The following OAT variants were observed in gnomAD, a reference collection of about 807,000 sequenced individuals.
OAT encodes the protein ornithine aminotransferase.
OAT carries 35 observed loss-of-function variants against 48.4 expected under a neutral mutation model. The ratio of observed to expected loss-of-function variants is 0.72; its 90% confidence interval spans 0.55 to 0.96. The LOEUF is 0.96. Among genes scored for constraint, OAT ranks in the 40% least tolerant of loss-of-function variants. OAT has a pLI of 0.00. For synonymous variants in OAT, 182 were observed against 198.4 expected, an observed-to-expected ratio of 0.92 and a Z score of 0.70; for missense variants, 438 against 537.9, an observed-to-expected ratio of 0.81 and a Z score of 1.84.
rs150521787 is a variant in OAT at position 124,402,784 on chromosome 10, C to T, written c.900+143G>A. On this transcript the variant is annotated intron_variant, in intron 7 of 9. Transcript: ENST00000368845. The stretch of plus-strand genomic sequence containing the variant: ...ACTGGTCCCTTAAATGTTTTTATTA[C>T]AGATATTCCGGGTGGCCTGCAGCAC... 7.0e-5 allele frequency: 74 copies of T among 1,055,594 alleles called. 1 individual carries two copies. In the Middle Eastern group the frequency reaches 1.9e-3, roughly 27 times the overall value. 65.4% of individuals were successfully genotyped at this position (1,055,594 alleles called of 1,614,324 possible).
chr10:124,410,751 T>C (rs1951721484), intron 2 of OAT, among the ~76,000 whole-genome samples: 1 of 152,092 alleles, frequency 6.6e-6, no homozygotes, highest in Admixed American at 6.5e-5. Context: ...TGAGCCATGA[T>C]CACACCACTG....
At chr10:124,412,265 C>T (rs1456088356) in intron 1 of OAT, 65 bp from the exon 2 acceptor site, 30 of 1,288,368 alleles carry the variant, frequency 2.3e-5, no homozygotes, top group Non-Finnish European at 3.2e-5. Flanking sequence ...AATCTCAGCA[C>T]TTTGGGAGGC....
At chr10:124,401,602 T>C in intron 8 of OAT, 124 bp downstream of exon 8, 1 of 732,862 alleles carries the variant, frequency 1.4e-6, no homozygotes, top group Non-Finnish European at 2.4e-6. Context: ...TTTTCCTCTA[T>C]ACTTCATGTT....
intron 6 of OAT, among the ~76,000 whole-genome samples, chr10:124,403,568 G>A (rs1281437724): frequency 6.6e-6 from 1 of 152,184 alleles, no homozygotes; most frequent in African/African-American, 2.4e-5. Flanking sequence ...TTCTGCACAG[G>A]GCCCAGGACA....
intron 1 of OAT, among the ~76,000 whole-genome samples, chr10:124,417,822 G>A (rs1309485850): frequency 6.6e-6 from 1 of 152,190 alleles, no homozygotes; most frequent in Non-Finnish European, 1.5e-5. Flanking sequence ...ATTTCTTAAG[G>A]TAAAGCCACT....
intron 4 of OAT, among the ~76,000 whole-genome samples, chr10:124,408,212 C>T (rs1345955377): frequency 1.3e-5 from 2 of 149,486 alleles, no homozygotes; most frequent in Non-Finnish European, 3.0e-5. Flanking sequence ...AAACATATTA[C>T]AAGTATTTCA....
At chr10:124,416,883 A>T (rs1041637506) in intron 1 of OAT, among the ~76,000 whole-genome samples, 27 of 151,718 alleles carry the variant, frequency 1.8e-4, no homozygotes, top group Admixed American at 1.8e-3. Context: ...AAAAAAAAAA[A>T]AAAGTTCTAC....
rs929003110 is a variant in OAT at position 124,398,168 on chromosome 10, T to C, written c.1160-66A>G. ...GTTTAAACATCCCTTGCCGTATGTA[T>C]GGGCAAAGTGCAGCCTGGCAAAACA... On this transcript the variant is annotated intron_variant, in intron 9 of 9. Coordinates refer to ENST00000368845, the MANE Select transcript of OAT (RefSeq NM_000274.4). 1.7e-5 allele frequency: 27 copies of C among 1,549,952 alleles called. 1 individual carries two copies. The Middle Eastern group carries it at 2.4e-3, about 136-fold the overall frequency.
At chr10:124,417,283 CT>C (rs59171918) in intron 1 of OAT, among the ~76,000 whole-genome samples, 964 of 87,028 alleles carry the variant, frequency 0.011, 3 homozygotes, top group African/African-American at 0.028. Context: ...AAACTATAAG[CT>C]TTTTTTTTTT....
At chr10:124,402,905 A>G in intron 7 of OAT, 22 bp downstream of exon 7, 1 of 1,612,830 alleles carries the variant, frequency 6.2e-7, no homozygotes, top group Non-Finnish European at 8.5e-7. Context: ...GGAAATGGAA[A>G]GAGGGGGAAC....
At chr10:124,398,995 G>A (rs745862735) in intron 9 of OAT, among the ~76,000 whole-genome samples, 3 of 151,762 alleles carry the variant, frequency 2.0e-5, no homozygotes, top group Admixed American at 1.3e-4. Context: ...CCAGCCTGGC[G>A]ACAGACACTC....
At chr10:124,399,154 T>G (rs991295853) in intron 9 of OAT, among the ~76,000 whole-genome samples, 2 of 151,958 alleles carry the variant, frequency 1.3e-5, no homozygotes, top group Non-Finnish European at 2.9e-5. Context: ...CACTACACAT[T>G]CCAAAAAGGG....
chr10:124,397,796 T>C lies in OAT; in HGVS notation c.*146A>G. ...GGCAGGTTCATAAACGTTGTTCTAT[T>C]ATGTATCAACTGAAAAAAATATATT... On this transcript the variant is annotated 3_prime_UTR_variant, in exon 10 of 10. Transcript: ENST00000368845. 1 of 795,192 alleles carries C rather than the reference T, an allele frequency of 1.3e-6. No individual in the cohort carries two copies. Among genetic ancestry groups the C allele is most frequent in the Non-Finnish European group, 2.1e-6 (1 of 482,724 alleles). 49.3% of individuals were successfully genotyped at this position (795,192 alleles called of 1,614,324 possible). A position where few individuals can be genotyped will look rare whatever the true frequency, so the allele number is the denominator to read the frequency against.
At position 124,415,497 on chromosome 10, in the gene OAT, G is replaced by A. The variant is rs543154753; in HGVS notation, c.-29-3297C>T. On this transcript the variant is annotated intron_variant, in intron 1 of 9. Transcript: ENST00000368845. Reference sequence around the variant, plus strand: ...CTGGGAAAGGTCAGAAACTGGATGAGCCATGATGTATCAAAATCCTGTAAA... The same window carrying A: ...CTGGGAAAGGTCAGAAACTGGATGAACCATGATGTATCAAAATCCTGTAAA... Among the ~76,000 whole-genome samples, 46 of 152,274 alleles carry A rather than the reference G, an allele frequency of 3.0e-4. 1 individual carries two copies. The highest frequency in any genetic ancestry group is 1.1e-3 in the African/African-American group (46 of 41,558).
At chr10:124,408,330 TA>T (rs1564735989) in intron 4 of OAT, among the ~76,000 whole-genome samples, 14 of 90,458 alleles carry the variant, frequency 1.5e-4, no homozygotes, top group African/African-American at 6.6e-4. Context: ...TATATATATA[TA>T]TATATATATA....
rs1339016252 is a variant in OAT at position 124,408,333 on chromosome 10, ATATATATATAT to A, written c.520+198_520+208del. 7.4e-3 allele frequency among the ~76,000 whole-genome samples: 697 copies of A among 94,470 alleles called. 32 individuals carry two copies. In the East Asian group the frequency reaches 0.14, roughly 20 times the overall value. The allele number at this position is 94,470 out of a possible 152,430, so 62.0% of individuals were successfully genotyped here. On this transcript the variant is annotated intron_variant, in intron 4 of 9. Coordinates refer to ENST00000368845, the MANE Select transcript of OAT (RefSeq NM_000274.4). ...TGTGTGTGTGTATATATATATATAT[ATATATATATAT>A]TTTTTTTTTTTTTTTTTAAATAGAG...
At chr10:124,412,592 G>T (rs538169007) in intron 1 of OAT, among the ~76,000 whole-genome samples, 12 of 152,054 alleles carry the variant, frequency 7.9e-5, no homozygotes, top group Non-Finnish European at 1.6e-4. Flanking sequence ...GATCGCTTGA[G>T]CCGAGGAGTT....
In OAT at chr10:124,410,679, T is replaced by G. The variant is rs142405746; in HGVS notation, c.199+1294A>C. 3.7e-3 allele frequency among the ~76,000 whole-genome samples: 570 copies of G among 152,168 alleles called. 6 individuals carry two copies. Among genetic ancestry groups the G allele is most frequent in the African/African-American group, 0.013 (534 of 41,522 alleles). On this transcript the variant is annotated intron_variant, in intron 2 of 9. Coordinates refer to ENST00000368845, the MANE Select transcript of OAT (RefSeq NM_000274.4). The stretch of plus-strand genomic sequence containing the variant: ...CAGGCATGGTAAGGCACACCTGTAG[T>G]CCCAGCTACTTGGGAAGCTGAGGTG...
At chr10:124,408,429 T>TC in intron 4 of OAT, 113 bp downstream of exon 4, 1 of 841,234 alleles carries the variant, frequency 1.2e-6, no homozygotes, top group Non-Finnish European at 1.9e-6. Context: ...CAAAGACTCC[T>TC]CCTGCCTTGG....
Sources: gnomAD v4.1 joint callset for allele counts (sites outside exome capture counted in the v4.1 genomes callset) on GRCh38, gnomAD v4.1.1 for gene constraint, MANE v1.5 for transcripts, NCBI Gene and HGNC (gene_info 2026-07-23, HGNC 2026-07-21) for gene names.